RBMS1: variants seen among roughly 807,000 people sequenced by gnomAD.
The protein encoded by RBMS1 is RNA-binding motif, single-stranded-interacting protein 1.
In RBMS1, 17 loss-of-function variants were observed where a neutral mutation model predicts 62.3. The observed-to-expected ratio is 0.27, with a 90% CI of 0.19 to 0.41. The LOEUF (loss-of-function observed/expected upper bound fraction) is 0.41. Ranked by LOEUF, RBMS1 falls within the 10% of genes least tolerant of loss-of-function variation. The pLI is 1.00. For synonymous variants in RBMS1, 172 were observed against 170.0 expected, an observed-to-expected ratio of 1.01 and a Z score of -0.09; for missense variants, 334 against 504.5, an observed-to-expected ratio of 0.66 and a Z score of 3.24.
chr2:160,322,357 T>C (rs946317088), intron 2 of RBMS1, among the ~76,000 whole-genome samples: 1 of 152,208 alleles, frequency 6.6e-6, no homozygotes, highest in Non-Finnish European at 1.5e-5. Flanking sequence ...ACTCAAATAT[T>C]CATTTTCCAA....
At chr2:160,493,213 C>T in intron 1 of RBMS1, 76 bp downstream of exon 1, 1 of 1,408,260 alleles carries the variant, frequency 7.1e-7, no homozygotes, top group Non-Finnish European at 9.9e-7. Context: ...CCGCGCGCCC[C>T]CCTCCCCAGG....
At chr2:160,363,712 T>A (rs1375873209) in intron 2 of RBMS1, among the ~76,000 whole-genome samples, 2 of 152,104 alleles carry the variant, frequency 1.3e-5, no homozygotes, top group Non-Finnish European at 2.9e-5. Flanking sequence ...AGAGACAGTG[T>A]TGAGAGAAAG....
At chr2:160,386,726 T>C (rs1047753951) in intron 1 of RBMS1, among the ~76,000 whole-genome samples, 5 of 152,000 alleles carry the variant, frequency 3.3e-5, no homozygotes, top group African/African-American at 1.2e-4. Flanking sequence ...AACCCGATCA[T>C]GTTGGCACCC....
Position 160,272,491 on chromosome 2 carries a change from T to A in RBMS1, c.*2281A>T, listed in dbSNP as rs1217237873. The A allele has an allele frequency of 2.0e-5, 3 of 152,036 alleles. No homozygotes were observed. The highest frequency in any genetic ancestry group is 4.8e-5 in the African/African-American group (2 of 41,340). The allele number at this position is 152,036 out of a possible 1,614,324, so 9.4% of individuals were successfully genotyped here. ...GATGTTTAACTGATTTTTTTTTTTT[T>A]ATGTACAGAGGTTATGTTTCCCAAA... On this transcript the variant is annotated 3_prime_UTR_variant, in exon 14 of 14. Transcript: ENST00000348849.
At chr2:160,367,141 T>C (rs1429544755) in intron 2 of RBMS1, 75 bp downstream of exon 2, 1 of 1,398,406 alleles carries the variant, frequency 7.2e-7, no homozygotes, top group African/African-American at 1.4e-5. Context: ...TCTCTTATAA[T>C]GCAGTATATA....
At chr2:160,384,162 A>G (rs1001149937) in intron 1 of RBMS1, among the ~76,000 whole-genome samples, 18 of 152,226 alleles carry the variant, frequency 1.2e-4, no homozygotes, top group Admixed American at 4.6e-4. Context: ...GTGCCACCGC[A>G]CTCCAGCCTG....
intron 2 of RBMS1, among the ~76,000 whole-genome samples, chr2:160,337,155 C>T (rs1203988811): frequency 1.2e-4 from 17 of 138,424 alleles, no homozygotes. Flanking sequence ...TTTTTTTGAG[C>T]CAGAGTCTCG....
intron 7 of RBMS1, among the ~76,000 whole-genome samples, chr2:160,286,681 T>C (rs904245305): frequency 6.6e-6 from 1 of 152,202 alleles, no homozygotes; most frequent in Non-Finnish European, 1.5e-5. Context: ...GTTTTTCTTA[T>C]GGCAATTTAG....
At chr2:160,327,364 G>A (rs1690996537) in intron 2 of RBMS1, among the ~76,000 whole-genome samples, 2 of 152,152 alleles carry the variant, frequency 1.3e-5, no homozygotes, top group South Asian at 2.1e-4. Context: ...TTTACTGTAT[G>A]TATAACTTGG....
intron 1 of RBMS1, among the ~76,000 whole-genome samples, chr2:160,413,764 A>G (rs545418733): frequency 5.9e-5 from 9 of 152,324 alleles, no homozygotes; most frequent in African/African-American, 2.2e-4. Flanking sequence ...ACTATATTCC[A>G]GGCACTTTCT....
intron 2 of RBMS1, among the ~76,000 whole-genome samples, chr2:160,336,210 T>C (rs57150185): frequency 0.013 from 1,973 of 152,292 alleles, 48 homozygotes; most frequent in African/African-American, 0.044. Flanking sequence ...AGAGTGCAGT[T>C]TGGCAATCTG....
At chr2:160,367,153 C>A in intron 2 of RBMS1, 63 bp downstream of exon 2, 2 of 1,503,754 alleles carry the variant, frequency 1.3e-6, no homozygotes, top group Non-Finnish European at 1.8e-6. Flanking sequence ...CAGTATATAT[C>A]ACTCTATAAT....
intron 7 of RBMS1, 69 bp downstream of exon 7, chr2:160,286,900 T>A: frequency 6.2e-7 from 1 of 1,604,294 alleles, no homozygotes; most frequent in Non-Finnish European, 8.5e-7. Context: ...CTTTTTGTGT[T>A]ACTTTTCATG....
At chr2:160,342,983 C>T (rs1691964701) in intron 2 of RBMS1, among the ~76,000 whole-genome samples, 1 of 151,836 alleles carries the variant, frequency 6.6e-6, no homozygotes, top group African/African-American at 2.4e-5. Context: ...ACAATTATCT[C>T]CCATGAACTG....
At chr2:160,291,801 C>T (rs1419586636) in intron 6 of RBMS1, among the ~76,000 whole-genome samples, 1 of 152,198 alleles carries the variant, frequency 6.6e-6, no homozygotes. Flanking sequence ...CTTCCCAACC[C>T]ATCAACTAAG....
At chr2:160,287,374 G>A (rs986726246) in intron 6 of RBMS1, among the ~76,000 whole-genome samples, 2 of 151,924 alleles carry the variant, frequency 1.3e-5, no homozygotes, top group African/African-American at 4.8e-5. Context: ...TTGGTTTTGG[G>A]CCCTCTCCAA....
chr2:160,493,205 G>C, intron 1 of RBMS1, 84 bp downstream of exon 1: 1 of 1,321,858 alleles, frequency 7.6e-7, no homozygotes, highest in Non-Finnish European at 1.1e-6. Context: ...GGGGTTCGCC[G>C]CGCGCCCCCC....
In RBMS1 at chr2:160,476,831, G is replaced by C. The variant is rs560281487; in HGVS notation, c.75+16458C>G. Among the ~76,000 whole-genome samples, 555 of 152,180 alleles carry C rather than the reference G, an allele frequency of 3.6e-3. 3 individuals carry two copies. The highest frequency in any genetic ancestry group is 0.012 in the African/African-American group (489 of 41,516). On this transcript the variant is annotated intron_variant, in intron 1 of 13. Coordinates refer to ENST00000348849, the MANE Select transcript of RBMS1 (RefSeq NM_016836.4). Reference sequence around the variant, plus strand: ...GGCCTCCCAAAGTGCTGGGATTACAGGCGTGAGCCACCGCGCCCGGCCCAA... The same window carrying C: ...GGCCTCCCAAAGTGCTGGGATTACACGCGTGAGCCACCGCGCCCGGCCCAA...
At chr2:160,407,811 C>T in intron 1 of RBMS1, 1 of 981,250 alleles carries the variant, frequency 1.0e-6, no homozygotes, top group Non-Finnish European at 1.2e-6. Context: ...CGGGAGTTCG[C>T]GCGCGGAGCT....
Sources: allele counts gnomAD v4.1 joint callset (sites outside exome capture counted in the v4.1 genomes callset), GRCh38; gene constraint gnomAD v4.1.1; transcripts MANE v1.5; gene names NCBI Gene and HGNC (gene_info 2026-07-23, HGNC 2026-07-21).